SCAI: variants seen among roughly 807,000 people sequenced by gnomAD.
SCAI encodes suppressor of cancer cell invasion.
Under a neutral mutation model 92.2 loss-of-function variants are expected in SCAI, and 24 were observed. The observed-to-expected ratio is 0.26, with a 90% confidence interval of 0.19 to 0.37. The LOEUF is 0.37. SCAI is among the 10% of genes least tolerant of loss of function. The probability of loss-of-function intolerance (pLI) is 1.00; values close to 1 mark genes in which losing one functional copy is unlikely to be tolerated. For missense variants in SCAI, 450 were observed against 736.2 expected (o/e 0.61, Z 4.50); for synonymous variants, 261 against 258.6 (o/e 1.01, Z -0.09).
At chr9:125,120,807 A>G (rs55741240) in intron 2 of SCAI, among the ~76,000 whole-genome samples, 1 of 151,962 alleles carries the variant, frequency 6.6e-6, no homozygotes, top group African/African-American at 2.4e-5. Flanking sequence ...GCTTGAACCC[A>G]GGAGGTAGAG....
At chr9:124,965,975 T>C (rs188140593) in intron 17 of SCAI, among the ~76,000 whole-genome samples, 55 of 152,288 alleles carry the variant, frequency 3.6e-4, no homozygotes, top group Non-Finnish European at 1.0e-4. Context: ...TGACAGGCAT[T>C]CTAAGCAGTA....
intron 2 of SCAI, among the ~76,000 whole-genome samples, chr9:125,060,542 T>C (rs568421694): frequency 6.6e-6 from 1 of 152,318 alleles, no homozygotes; most frequent in Admixed American, 6.5e-5. Flanking sequence ...TCAACTTGAA[T>C]TGTAAATCCC....
intron 2 of SCAI, among the ~76,000 whole-genome samples, chr9:125,067,006 T>G (rs1168048458): frequency 3.9e-5 from 6 of 152,196 alleles, no homozygotes; most frequent in Admixed American, 3.9e-4. Context: ...TCTATGATAT[T>G]TGCACAATAA....
chr9:125,001,850 A>C lies in SCAI; in HGVS notation c.1144+115T>G, dbSNP rs1832367856. 7 of 640,234 alleles carry C rather than the reference A, an allele frequency of 1.1e-5. 1 individual carries two copies. The South Asian group carries it at 1.4e-4, about 13-fold the overall frequency. 39.7% of individuals were successfully genotyped at this position (640,234 alleles called of 1,614,324 possible). A position where few individuals can be genotyped will look rare whatever the true frequency, so the allele number is the denominator to read the frequency against. ...AATCAACAAATAGACCAGGTTTCAA[A>C]TTTGGAAGTCTGTCTAGAAAGGCTG... On this transcript the variant is annotated intron_variant, in intron 12 of 17. Coordinates refer to ENST00000336505, the MANE Select transcript of SCAI (RefSeq NM_001144877.3).
chr9:125,128,543 G>A (rs1375633134), intron 2 of SCAI, among the ~76,000 whole-genome samples: 1 of 151,236 alleles, frequency 6.6e-6, no homozygotes, highest in Non-Finnish European at 1.5e-5. Context: ...CACGAGGTCA[G>A]GAGATCGAGA....
chr9:124,998,372 G>A (rs1201775848), intron 13 of SCAI, among the ~76,000 whole-genome samples: 1 of 152,106 alleles, frequency 6.6e-6, no homozygotes, highest in Non-Finnish European at 1.5e-5. Flanking sequence ...AGAATCACTT[G>A]AGCCTGGGAG....
chr9:125,032,186 TA>T (rs1564386203), intron 3 of SCAI, among the ~76,000 whole-genome samples: 1,357 of 81,870 alleles, frequency 0.017, 35 homozygotes, highest in African/African-American at 0.066. Flanking sequence ...TATATATATA[TA>T]TATATATATT....
Position 124,979,740 on chromosome 9 carries a change from T to C in SCAI, c.1327-3554A>G, listed in dbSNP as rs957800038. ...TGATTCTGTGACTTTGTGAATGTAA[T>C]ACCAGTACTAAAAATATTAAGCAAA... On this transcript the variant is annotated intron_variant, in intron 14 of 17. Coordinates refer to ENST00000336505, the MANE Select transcript of SCAI (RefSeq NM_001144877.3). 1.3e-5 allele frequency among the ~76,000 whole-genome samples: 2 copies of C among 151,982 alleles called. 1 individual carries two copies. The highest frequency in any genetic ancestry group is 1.3e-4 in the Admixed American group (2 of 15,238).
intron 3 of SCAI, among the ~76,000 whole-genome samples, chr9:125,039,327 C>T (rs913832742): frequency 2.8e-5 from 4 of 142,934 alleles, no homozygotes; most frequent in South Asian, 2.1e-4. Context: ...GTGGAGGCTG[C>T]AGTGAACCAA....
chr9:124,969,761 T>A (rs557184945), intron 17 of SCAI, among the ~76,000 whole-genome samples: 41 of 152,362 alleles, frequency 2.7e-4, no homozygotes, highest in African/African-American at 9.9e-4. Flanking sequence ...TATGCTTATA[T>A]CCTCTGATCT....
chr9:125,002,523 C>T (rs955167389), intron 11 of SCAI, among the ~76,000 whole-genome samples: 79 of 104,440 alleles, frequency 7.6e-4, no homozygotes, highest in Non-Finnish European at 2.5e-4. Context: ...ACTCTTGTTG[C>T]CCAGGTTGGA....
At chr9:125,108,256 C>CG (rs1212843576) in intron 2 of SCAI, among the ~76,000 whole-genome samples, 1 of 152,258 alleles carries the variant, frequency 6.6e-6, no homozygotes, top group Non-Finnish European at 1.5e-5. Flanking sequence ...GCCGCCACCC[C>CG]GTCTGGGAAG....
At chr9:125,000,031 A>T (rs374925823) in intron 12 of SCAI, 41 bp from the exon 13 acceptor site, 26 of 873,790 alleles carry the variant, frequency 3.0e-5, no homozygotes, top group Non-Finnish European at 4.6e-5. Context: ...TCAGTTGAAG[A>T]CTAACACTGA....
rs761950729 is a variant in SCAI, at chr9:124,971,667, G to A, written c.1573+4C>T. 1 of 1,593,756 alleles carries A rather than the reference G, an allele frequency of 6.3e-7. No individual in the cohort carries two copies. The highest frequency in any genetic ancestry group is 8.5e-7 in the Non-Finnish European group (1 of 1,171,120). ...TTAAACGTGCAGTTAGATTAGGAGG[G>A]TACCTATTGAACGTGAATGAGTCAG... is the stretch of plus-strand genomic sequence containing the variant. On this transcript the variant is annotated splice_donor_region_variant and intron_variant, in intron 16 of 17. Coordinates refer to ENST00000336505, the MANE Select transcript of SCAI (RefSeq NM_001144877.3).
At chr9:125,010,329 A>C (rs2131055078) in intron 9 of SCAI, among the ~76,000 whole-genome samples, 1 of 152,328 alleles carries the variant, frequency 6.6e-6, no homozygotes, top group African/African-American at 2.4e-5. Flanking sequence ...CTTCCACCCC[A>C]ATACTGCGCT....
At chr9:125,030,128 G>T (rs1161129027) in intron 3 of SCAI, among the ~76,000 whole-genome samples, 1 of 152,034 alleles carries the variant, frequency 6.6e-6, no homozygotes, top group Non-Finnish European at 1.5e-5. Context: ...CCTAGAAATC[G>T]ATATGTAGAT....
chr9:125,124,716 G>A (rs1835225432), intron 2 of SCAI, among the ~76,000 whole-genome samples: 1 of 152,166 alleles, frequency 6.6e-6, no homozygotes, highest in Admixed American at 6.6e-5. Flanking sequence ...TTGACCAAAT[G>A]TCTGGGCACT....
intron 14 of SCAI, among the ~76,000 whole-genome samples, chr9:124,990,792 G>A (rs1832103050): frequency 6.6e-6 from 1 of 152,104 alleles, no homozygotes; most frequent in Non-Finnish European, 1.5e-5. Context: ...GAGGCAAATA[G>A]GGGTTGCAAC....
intron 2 of SCAI, among the ~76,000 whole-genome samples, chr9:125,065,780 A>G (rs949955631): frequency 2.0e-5 from 3 of 152,222 alleles, no homozygotes; most frequent in African/African-American, 7.2e-5. Context: ...TTGATATTTG[A>G]AAATCAATCA....
Sources: allele counts gnomAD v4.1 joint callset (sites outside exome capture counted in the v4.1 genomes callset), GRCh38; gene constraint gnomAD v4.1.1; transcripts MANE v1.5; gene names NCBI Gene and HGNC (gene_info 2026-07-23, HGNC 2026-07-21).